The following LIPC variants were observed in gnomAD, a reference collection of about 807,000 sequenced individuals.
LIPC encodes hepatic triacylglycerol lipase.
Under a neutral mutation model 50.7 loss-of-function variants are expected in LIPC, and 44 were observed. The observed-to-expected ratio is 0.87, with a 90% CI of 0.68 to 1.11. LIPC has a LOEUF of 1.11. Among genes scored for constraint, LIPC ranks in the 50% most tolerant of loss-of-function variants. The pLI is 0.00. For synonymous variants in LIPC, 271 were observed against 256.4 expected, an observed-to-expected ratio of 1.06 and a Z score of -0.54; for missense variants, 697 against 648.2, an observed-to-expected ratio of 1.08 and a Z score of -0.82.
intron 1 of LIPC, among the ~76,000 whole-genome samples, chr15:58,511,383 A>C (rs1306714515): frequency 6.6e-6 from 1 of 152,044 alleles, no homozygotes; most frequent in Non-Finnish European, 1.5e-5. Flanking sequence ...CAGGCAATAA[A>C]TCATTCCATT....
intron 1 of LIPC, among the ~76,000 whole-genome samples, chr15:58,527,414 T>C (rs1892828285): frequency 6.6e-6 from 1 of 152,048 alleles, no homozygotes; most frequent in Non-Finnish European, 1.5e-5. Flanking sequence ...CCTCTGTGAG[T>C]CTAGAGGTGA....
intron 1 of LIPC, among the ~76,000 whole-genome samples, chr15:58,498,985 A>G (rs1361590958): frequency 6.6e-6 from 1 of 152,186 alleles, no homozygotes; most frequent in African/African-American, 2.4e-5. Context: ...CCATCTCCCA[A>G]GGAGGCTGGG....
In LIPC at chr15:58,544,398, T is replaced by TTC. The variant is rs796128873; in HGVS notation, c.575-1343_575-1342insCT. Among the ~76,000 whole-genome samples the TTC allele has an allele frequency of 5.3e-4, 76 of 142,246 alleles. 2 individuals carry two copies. Among genetic ancestry groups the TTC allele is most frequent in the African/African-American group, 1.7e-3 (68 of 39,048 alleles). 93.3% of individuals were successfully genotyped at this position (142,246 alleles called of 152,430 possible). On this transcript the variant is annotated intron_variant, in intron 4 of 8. Transcript: ENST00000299022. ...GGACATTTTTCTTTTTCTCTTTCTT[T>TTC]TTTTTTTTTTTTTTTGAGACAGAGT...
intron 1 of LIPC, among the ~76,000 whole-genome samples, chr15:58,501,535 G>C (rs930220038): frequency 6.6e-6 from 1 of 152,010 alleles, no homozygotes; most frequent in Non-Finnish European, 1.5e-5. Context: ...TGATGGGGTG[G>C]GGAGGGAGAA....
At chr15:58,447,018 C>T (rs1001465952) in intron 1 of LIPC, among the ~76,000 whole-genome samples, 55 of 151,726 alleles carry the variant, frequency 3.6e-4, no homozygotes, top group African/African-American at 1.1e-3. Context: ...TGTGGTGGTA[C>T]GTGCCTGTAG....
At chr15:58,488,500 T>C (rs1352961776) in intron 1 of LIPC, among the ~76,000 whole-genome samples, 1 of 149,026 alleles carries the variant, frequency 6.7e-6, no homozygotes, top group Non-Finnish European at 1.5e-5. Context: ...CCTGTAGGAA[T>C]GTCCTCACCT....
At chr15:58,495,958 A>G (rs1891749306) in intron 1 of LIPC, among the ~76,000 whole-genome samples, 1 of 152,194 alleles carries the variant, frequency 6.6e-6, no homozygotes, top group Admixed American at 6.5e-5. Flanking sequence ...CGTGGGATTT[A>G]GAAGGGATTT....
intron 3 of LIPC, among the ~76,000 whole-genome samples, chr15:58,542,179 C>T (rs1417296940): frequency 6.6e-6 from 1 of 152,196 alleles, no homozygotes; most frequent in Non-Finnish European, 1.5e-5. Context: ...CACCTTCTCC[C>T]CTCTCCTCAT....
rs10162912 is a variant in LIPC at position 58,489,223 on chromosome 15, C to T, written c.89-49110C>T. Among the ~76,000 whole-genome samples the T allele has an allele frequency of 7.4e-4, 50 of 67,286 alleles. 13 individuals carry two copies. In the Middle Eastern group the frequency reaches 0.016, roughly 22 times the overall value. 44.1% of individuals were successfully genotyped at this position (67,286 alleles called of 152,430 possible). On this transcript the variant is annotated intron_variant, in intron 1 of 8. Coordinates refer to ENST00000299022, the MANE Select transcript of LIPC (RefSeq NM_000236.3). Reference sequence around the variant, plus strand: ...TTAGGGATTCATTTTGTTGCGGGGGCGGGGGGGCGGCTTACAAGCTTCCCA... The same window carrying T: ...TTAGGGATTCATTTTGTTGCGGGGGTGGGGGGGCGGCTTACAAGCTTCCCA...
chr15:58,527,779 GAATA>G (rs1193808530), intron 1 of LIPC, among the ~76,000 whole-genome samples: 1 of 151,922 alleles, frequency 6.6e-6, no homozygotes, highest in African/African-American at 2.4e-5. Context: ...GTGGTTGAAT[GAATA>G]AATGAATTAA....
chr15:58,563,980 G>A, intron 8 of LIPC: 1 of 506,014 alleles, frequency 2.0e-6, no homozygotes, highest in Non-Finnish European at 3.7e-6. Flanking sequence ...CCTGCCTCTG[G>A]AGCCTGAGGA....
chr15:58,434,171 A>T (rs951592939), intron 1 of LIPC, among the ~76,000 whole-genome samples: 1 of 152,176 alleles, frequency 6.6e-6, no homozygotes, highest in Non-Finnish European at 1.5e-5. Context: ...TGCACAGGAC[A>T]GCCCTCACAA....
intron 1 of LIPC, among the ~76,000 whole-genome samples, chr15:58,536,015 C>T (rs1233964218): frequency 6.6e-6 from 1 of 152,202 alleles, no homozygotes; most frequent in Non-Finnish European, 1.5e-5. Context: ...CCATTGTGCC[C>T]AGGGCTACCC....
chr15:58,456,147 G>A (rs565945034), intron 1 of LIPC: 1 of 152,492 alleles, frequency 6.6e-6, no homozygotes, highest in South Asian at 2.1e-4. Flanking sequence ...AGGCGAGGCT[G>A]AAGTCAGGGA....
At chr15:58,508,197 C>T (rs1329564781) in intron 1 of LIPC, among the ~76,000 whole-genome samples, 1 of 148,312 alleles carries the variant, frequency 6.7e-6, no homozygotes, top group Non-Finnish European at 1.5e-5. Context: ...TCATCCAGAG[C>T]TTTGGGAGAG....
At chr15:58,443,750 GC>G (rs1244841748) in intron 1 of LIPC, among the ~76,000 whole-genome samples, 1 of 152,230 alleles carries the variant, frequency 6.6e-6, no homozygotes, top group Non-Finnish European at 1.5e-5. Flanking sequence ...CTGGGTGCAG[GC>G]GGGCTGAGTC....
intron 1 of LIPC, among the ~76,000 whole-genome samples, chr15:58,455,939 CAGCACT>C (rs1364440253): frequency 6.6e-6 from 1 of 152,014 alleles, no homozygotes; most frequent in African/African-American, 2.4e-5. Flanking sequence ...CAGCCCAGAG[CAGCACT>C]TGTTAAGGAC....
chr15:58,522,951 A>C (rs79097699), intron 1 of LIPC: 1 of 152,294 alleles, frequency 6.6e-6, no homozygotes, highest in African/African-American at 2.4e-5. Flanking sequence ...CACATCTAAA[A>C]TATCCTAGCT....
At chr15:58,525,749 C>T (rs936039750) in intron 1 of LIPC, among the ~76,000 whole-genome samples, 2 of 152,210 alleles carry the variant, frequency 1.3e-5, no homozygotes, top group Non-Finnish European at 2.9e-5. Flanking sequence ...TGAGGGTGAT[C>T]CCAGATAACC....
Sources: allele counts gnomAD v4.1 joint callset (sites outside exome capture counted in the v4.1 genomes callset), GRCh38; gene constraint gnomAD v4.1.1; transcripts MANE v1.5; gene names NCBI Gene and HGNC (gene_info 2026-07-23, HGNC 2026-07-21).